Variants in SCAPER observed in about 807,000 individuals in gnomAD.
The protein encoded by SCAPER is S phase cyclin A-associated protein in the endoplasmic reticulum.
Under a neutral mutation model 182.2 loss-of-function variants are expected in SCAPER, and 98 were observed. That is an observed-to-expected ratio of 0.54 (90% confidence interval 0.46 to 0.64). SCAPER has a LOEUF of 0.64. SCAPER is among the 30% of genes least tolerant of loss of function. SCAPER has a pLI of 0.00. For synonymous variants in SCAPER, 605 were observed against 564.6 expected (o/e 1.07, Z -1.01); for missense variants, 1,432 against 1,690.0 (o/e 0.85, Z 2.68).
chr15:76,813,886 G>C (rs1469152917), intron 5 of SCAPER, among the ~76,000 whole-genome samples: 1 of 152,112 alleles, frequency 6.6e-6, no homozygotes, highest in Non-Finnish European at 1.5e-5. Flanking sequence ...CATTCATACA[G>C]GCTGGGTGCA....
intron 8 of SCAPER, among the ~76,000 whole-genome samples, chr15:76,791,996 A>G (rs1307301994): frequency 6.7e-6 from 1 of 149,622 alleles, no homozygotes; most frequent in East Asian, 2.0e-4. Flanking sequence ...TTGGGAGGGG[A>G]CTTGGGTGAT....
intron 23 of SCAPER, among the ~76,000 whole-genome samples, chr15:76,513,785 A>T (rs936911791): frequency 1.3e-5 from 2 of 152,146 alleles, no homozygotes; most frequent in Non-Finnish European, 2.9e-5. Context: ...AAAATCCTTA[A>T]CCATAATTAT....
chr15:76,426,125 C>T (rs2046406800), intron 26 of SCAPER, among the ~76,000 whole-genome samples: 2 of 152,136 alleles, frequency 1.3e-5, no homozygotes, highest in Non-Finnish European at 2.9e-5. Context: ...GGAGAACCAC[C>T]ACTCATTTCA....
intron 21 of SCAPER, among the ~76,000 whole-genome samples, chr15:76,627,402 C>G (rs958961785): frequency 6.6e-6 from 1 of 152,024 alleles, no homozygotes; most frequent in Non-Finnish European, 1.5e-5. Context: ...AGGTATTAAG[C>G]CCAGCATGCG....
At chr15:76,572,917 T>TCA (rs1231032832) in intron 23 of SCAPER, among the ~76,000 whole-genome samples, 24 of 133,552 alleles carry the variant, frequency 1.8e-4, no homozygotes, top group African/African-American at 5.6e-4. Context: ...TCTCTCTCTC[T>TCA]CTCACACACA....
At chr15:76,425,348 C>T (rs768306240) in intron 26 of SCAPER, among the ~76,000 whole-genome samples, 4 of 152,144 alleles carry the variant, frequency 2.6e-5, no homozygotes, top group South Asian at 4.1e-4. Flanking sequence ...CTTCTCTTCT[C>T]GCTTCATTTC....
chr15:76,881,732 G>C (rs1179171751), intron 2 of SCAPER, among the ~76,000 whole-genome samples: 1 of 152,074 alleles, frequency 6.6e-6, no homozygotes. Flanking sequence ...AAGGGAAATG[G>C]GAAATTATTG....
intron 23 of SCAPER, among the ~76,000 whole-genome samples, chr15:76,572,911 T>C (rs868173879): frequency 9.2e-5 from 10 of 109,062 alleles, no homozygotes; most frequent in African/African-American, 3.8e-4. Context: ...TCTCTCTCTC[T>C]CTCTCTCTCA....
chr15:76,774,175 A>C (rs547522093), intron 9 of SCAPER, among the ~76,000 whole-genome samples: 1 of 152,038 alleles, frequency 6.6e-6, no homozygotes, highest in Admixed American at 6.5e-5. Context: ...AACTGATACC[A>C]TATGCCTCTA....
At chr15:76,869,345 A>G (rs2072532738) in intron 2 of SCAPER, among the ~76,000 whole-genome samples, 1 of 152,156 alleles carries the variant, frequency 6.6e-6, no homozygotes, top group Non-Finnish European at 1.5e-5. Context: ...GTGGAAGAAA[A>G]TATTTGGAAA....
intron 26 of SCAPER, among the ~76,000 whole-genome samples, chr15:76,405,818 AG>A (rs2044786884): frequency 1.3e-5 from 2 of 152,188 alleles, no homozygotes; most frequent in South Asian, 4.1e-4. Context: ...AAAGGAATTG[AG>A]GTTTTGGTGT....
intron 22 of SCAPER, among the ~76,000 whole-genome samples, chr15:76,621,383 C>T (rs1249655169): frequency 6.6e-6 from 1 of 152,202 alleles, no homozygotes; most frequent in African/African-American, 2.4e-5. Context: ...GAGATCTCCT[C>T]AGAGCAAGCA....
intron 23 of SCAPER, among the ~76,000 whole-genome samples, chr15:76,531,984 C>T (rs1434429817): frequency 6.6e-6 from 1 of 152,224 alleles, no homozygotes; most frequent in Non-Finnish European, 1.5e-5. Flanking sequence ...GTCTCTCCTA[C>T]TCCCCACCAG....
At chr15:76,560,909 T>C (rs1395800980) in intron 23 of SCAPER, among the ~76,000 whole-genome samples, 1 of 152,224 alleles carries the variant, frequency 6.6e-6, no homozygotes, top group Non-Finnish European at 1.5e-5. Context: ...ATGAGTTTTC[T>C]ACCTGCATTA....
In SCAPER at chr15:76,801,056, A is replaced by T. The variant is rs527752909; in HGVS notation, c.495-692T>A. Among the ~76,000 whole-genome samples the T allele has an allele frequency of 2.6e-5, 4 of 152,292 alleles. No individual in the cohort carries two copies. In the South Asian group the frequency reaches 8.3e-4, roughly 32 times the overall value. ...CAACTGTTGATATCTGTTTTTAAAA[A>T]TTTCACTGGCAAATAGTATTTCATT... On this transcript the variant is annotated intron_variant, in intron 6 of 31. Transcript: ENST00000563290.
rs746178624 is a variant in SCAPER, at chr15:76,771,961, A to G, written c.1036-7T>C. 6.3e-7 allele frequency: 1 copy of G among 1,588,032 alleles called. No homozygotes were observed. The highest frequency in any genetic ancestry group is 1.3e-5 in the African/African-American group (1 of 74,470). ...CCAATGTACTCACTGTGAACTAACA[A>G]AACGTAGAGAATGAATCAGAGATAA... On this transcript the variant is annotated splice_polypyrimidine_tract_variant and splice_region_variant and intron_variant, in intron 9 of 31. Coordinates refer to ENST00000563290, the MANE Select transcript of SCAPER (RefSeq NM_020843.4).
At chr15:76,435,698 T>A (rs1263658346) in intron 25 of SCAPER, among the ~76,000 whole-genome samples, 1 of 152,248 alleles carries the variant, frequency 6.6e-6, no homozygotes, top group East Asian at 1.9e-4. Flanking sequence ...AGATTCTGCA[T>A]GTTTAAAAAT....
intron 23 of SCAPER, among the ~76,000 whole-genome samples, chr15:76,559,351 C>A (rs2896954): frequency 0.51 from 76,778 of 151,544 alleles, 20,535 homozygotes; most frequent in Middle Eastern, 0.67. Flanking sequence ...CCACTGCACC[C>A]GGCCGAGATC....
At chr15:76,774,437 A>T (rs1449982724) in intron 9 of SCAPER, 1 of 379,966 alleles carries the variant, frequency 2.6e-6, no homozygotes, top group Non-Finnish European at 5.0e-6. Flanking sequence ...TGGGAAAACT[A>T]AAACACTTTA....
Sources: gnomAD v4.1 joint callset for allele counts (sites outside exome capture counted in the v4.1 genomes callset) on GRCh38, gnomAD v4.1.1 for gene constraint, MANE v1.5 for transcripts, NCBI Gene and HGNC (gene_info 2026-07-23, HGNC 2026-07-21) for gene names.